Variants in TENT5D observed in about 807,000 individuals in gnomAD.
TENT5D encodes the protein terminal nucleotidyltransferase 5D.
For synonymous variants in TENT5D, 103 were observed against 100.6 expected (o/e 1.02, Z -0.15); for missense variants, 191 against 287.0 (o/e 0.67, Z 2.42).
At position 80,434,463 on chromosome X, in the gene TENT5D, AT is replaced by A. The variant is rs780119385; in HGVS notation, c.-141-4142del. On this transcript the variant is annotated intron_variant, in intron 1 of 2. Coordinates refer to ENST00000308293, the Ensembl canonical transcript of TENT5D. The stretch of plus-strand genomic sequence containing the variant: ...CTTCATTTTAAATATAATTAAAGAC[AT>A]TTTTAATTAAGAAGAATTAAAAATA... Among the ~76,000 whole-genome samples, 100 of 111,848 alleles carry A rather than the reference AT, an allele frequency of 8.9e-4. No homozygotes were observed. In the Middle Eastern group the frequency reaches 0.019, roughly 21 times the overall value.
At chrX:80,444,661 A>T (rs913392434) in exon 3 of TENT5D, 9 of 122,610 alleles carry the variant, frequency 7.3e-5, no homozygotes, top group African/African-American at 2.6e-4. Context: ...AAGTTAAAAT[A>T]TTTTCATTGT....
chrX:80,436,735 G>A (rs1354217410), intron 1 of TENT5D, among the ~76,000 whole-genome samples: 2 of 110,942 alleles, frequency 1.8e-5, no homozygotes, highest in African/African-American at 6.6e-5. Flanking sequence ...CTTTTTTATG[G>A]CTGCATAGTA....
chrX:80,347,536 A>G (rs1398491900), intron 3 of TENT5D, among the ~76,000 whole-genome samples: 2 of 111,527 alleles, frequency 1.8e-5, no homozygotes, highest in Admixed American at 9.6e-5. Context: ...TTTTTCCTGT[A>G]AATTTGTTTA....
At chrX:80,402,650 T>C (rs1484062353) in intron 3 of TENT5D, among the ~76,000 whole-genome samples, 1 of 112,020 alleles carries the variant, frequency 8.9e-6, no homozygotes, top group African/African-American at 3.2e-5. Context: ...CCCACTGTTT[T>C]TTCAGGAGCA....
intron 2 of TENT5D, among the ~76,000 whole-genome samples, chrX:80,336,763 C>T (rs1929859442): frequency 9.0e-6 from 1 of 111,250 alleles, no homozygotes; most frequent in Non-Finnish European, 1.9e-5. Flanking sequence ...TAAGAATAAG[C>T]CTTTTTTAAA....
At chrX:80,420,916 G>T (rs766740680) in intron 1 of TENT5D, among the ~76,000 whole-genome samples, 1 of 111,837 alleles carries the variant, frequency 8.9e-6, no homozygotes, top group Admixed American at 9.5e-5. Flanking sequence ...TACATTAATT[G>T]ACTGACACAT....
intron 3 of TENT5D, among the ~76,000 whole-genome samples, chrX:80,353,382 A>T (rs1040997047): frequency 2.7e-5 from 3 of 111,703 alleles, no homozygotes; most frequent in Non-Finnish European, 3.8e-5. Flanking sequence ...CACCCAGGCA[A>T]TAAGCATAGT....
At chrX:80,354,780 G>A (rs947999530) in intron 3 of TENT5D, among the ~76,000 whole-genome samples, 3 of 108,213 alleles carry the variant, frequency 2.8e-5, no homozygotes, top group African/African-American at 6.5e-5. Flanking sequence ...GAGTTCTTGC[G>A]CTGTTTTTTG....
chrX:80,372,741 T>C (rs1156617917), intron 3 of TENT5D, among the ~76,000 whole-genome samples: 1 of 108,778 alleles, frequency 9.2e-6, no homozygotes, highest in Admixed American at 9.9e-5. Flanking sequence ...ACAAAAACTA[T>C]CCGAGCGTGG....
At chrX:80,375,757 A>G (rs912937727) in intron 3 of TENT5D, among the ~76,000 whole-genome samples, 4 of 111,673 alleles carry the variant, frequency 3.6e-5, no homozygotes, top group African/African-American at 1.3e-4. Context: ...ATTTCTTAAC[A>G]AAAAGCAGAA....
chrX:80,408,561 C>A (rs1202152809), intron 3 of TENT5D, among the ~76,000 whole-genome samples: 1 of 110,258 alleles, frequency 9.1e-6, no homozygotes, highest in Admixed American at 9.6e-5. Context: ...GAAGTTGAAT[C>A]TCTGAATAGA....
At chrX:80,410,680 G>A (rs1931638065) in intron 3 of TENT5D, among the ~76,000 whole-genome samples, 1 of 104,525 alleles carries the variant, frequency 9.6e-6, no homozygotes, top group African/African-American at 3.5e-5. Context: ...GTGGAAGTCA[G>A]TGTGGCGATT....
At chrX:80,423,315 G>GT (rs1176182873) in intron 1 of TENT5D, among the ~76,000 whole-genome samples, 221 of 108,075 alleles carry the variant, frequency 2.0e-3, no homozygotes, top group African/African-American at 3.7e-3. Context: ...AGTATCCAGA[G>GT]TTTTTTTTTT....
At chrX:80,379,144 T>TTGCAA (rs1556060404) in intron 3 of TENT5D, among the ~76,000 whole-genome samples, 4 of 104,456 alleles carry the variant, frequency 3.8e-5, no homozygotes, top group African/African-American at 1.4e-4. Flanking sequence ...CTGCATTCTC[T>TTGCAA]TGCAGAAAAG....
At chrX:80,342,006 C>T (rs774265177) in intron 2 of TENT5D, among the ~76,000 whole-genome samples, 40 of 110,805 alleles carry the variant, frequency 3.6e-4, no homozygotes, top group Non-Finnish European at 6.2e-4. Context: ...CCACCGCGCC[C>T]GGCCATAATT....
intron 1 of TENT5D, among the ~76,000 whole-genome samples, chrX:80,426,694 C>A (rs1050525493): frequency 8.9e-6 from 1 of 111,839 alleles, no homozygotes; most frequent in South Asian, 3.7e-4. Context: ...TAAGAAAATT[C>A]TTTATCCCTA....
chrX:80,412,216 G>A (rs1219694833), intron 3 of TENT5D, among the ~76,000 whole-genome samples: 1 of 112,515 alleles, frequency 8.9e-6, no homozygotes, highest in South Asian at 3.7e-4. Context: ...GAGCAGCTGG[G>A]ACACAGGGCA....
At chrX:80,370,436 CA>C (rs1348359461) in intron 3 of TENT5D, among the ~76,000 whole-genome samples, 1 of 111,520 alleles carries the variant, frequency 9.0e-6, no homozygotes, top group African/African-American at 3.3e-5. Context: ...TAAAAATCAC[CA>C]CAAGATATAC....
chrX:80,341,922 A>G (rs2147511770), intron 2 of TENT5D, among the ~76,000 whole-genome samples: 1 of 107,827 alleles, frequency 9.3e-6, no homozygotes, highest in South Asian at 4.1e-4. Flanking sequence ...CGTGTTAGCC[A>G]GGATGGTCTC....
Sources: allele counts gnomAD v4.1 joint callset (sites outside exome capture counted in the v4.1 genomes callset), GRCh38; gene constraint gnomAD v4.1.1; transcripts MANE v1.5; gene names NCBI Gene and HGNC (gene_info 2026-07-23, HGNC 2026-07-21).